Variants in BLZF1 observed in about 807,000 individuals in gnomAD.
BLZF1 encodes golgin-45.
A neutral mutation model predicts 43.8 loss-of-function variants in BLZF1; 39 were observed. The ratio of observed to expected loss-of-function variants is 0.89; its 90% CI spans 0.69 to 1.16. The LOEUF (loss-of-function observed/expected upper bound fraction) is 1.16, where lower values mean the gene tolerates loss of function less well. BLZF1 is among the 50% of genes most tolerant of loss of function. The pLI, the probability that BLZF1 is intolerant of heterozygous loss-of-function variation, is 0.00. For missense variants in BLZF1, 449 were observed against 469.8 expected (o/e 0.96, Z 0.41); for synonymous variants, 136 against 159.4 (o/e 0.85, Z 1.11).
chr1:169,376,567 G>A lies in BLZF1; in HGVS notation c.56G>A (p.Gly19Glu). ...KVTVTSSPIR[G>E]AGDGMETEEP... ...ACCGTTACTTCATCCCCAATCCGAG[G>A]AGCAGGAGATGGAATGGAAACTGAG... The change falls in exon 3 of 7, where the codon GGA becomes GAA. Residue 19 changes from glycine (G) to glutamate (E), a missense_variant. Gly to Glu is a moderately conservative substitution (Grantham distance 98). Transcript: ENST00000367808. The A allele has an allele frequency of 1.2e-6, 2 of 1,607,280 alleles. No individual in the cohort carries two copies. Among genetic ancestry groups the A allele is most frequent in the Non-Finnish European group, 1.7e-6 (2 of 1,177,708 alleles).
intron 1 of BLZF1, 43 bp from the exon 2 acceptor site, chr1:169,369,430 T>C (rs1654029143): frequency 1.9e-6 from 2 of 1,053,834 alleles, no homozygotes; most frequent in African/African-American, 1.6e-5. Flanking sequence ...TCTATGTGTT[T>C]ATATGATATT....
At chr1:169,394,152 A>G (rs1174557704) in intron 7 of BLZF1, among the ~76,000 whole-genome samples, 2 of 152,214 alleles carry the variant, frequency 1.3e-5, no homozygotes, top group African/African-American at 4.8e-5. Flanking sequence ...CAAAATATTC[A>G]TGTCTATATA....
downstream of BLZF1, among the ~76,000 whole-genome samples, chr1:169,389,561 A>G (rs1654767203): frequency 6.6e-6 from 1 of 152,190 alleles, no homozygotes. Context: ...GATCCTCAAA[A>G]TATTAAACAT....
intron 2 of BLZF1, among the ~76,000 whole-genome samples, chr1:169,374,261 C>T (rs1388980618): frequency 6.6e-6 from 1 of 151,602 alleles, no homozygotes; most frequent in Admixed American, 6.6e-5. Context: ...GTGGCACATG[C>T]CTGTAGTCCC....
downstream of BLZF1, among the ~76,000 whole-genome samples, chr1:169,389,103 C>T (rs58360404): frequency 0.015 from 2,296 of 150,634 alleles, 63 homozygotes; most frequent in African/African-American, 0.053. Context: ...GCCTGGGTGA[C>T]GGAGCGAAAC....
Position 169,387,139 on chromosome 1 carries a change from T to G in BLZF1, c.1160T>G (p.Phe387Cys). 5 of 1,613,388 alleles carry G rather than the reference T, an allele frequency of 3.1e-6. No individual in the cohort carries two copies. The highest frequency in any genetic ancestry group is 4.2e-6 in the Non-Finnish European group (5 of 1,179,844). Residue 387 changes from phenylalanine (F) to cysteine (C), a missense_variant, in exon 7 of 7, where the codon TTC becomes TGC. By Grantham distance (205) the Phe-to-Cys change is radical. Transcript: ENST00000367808. ...TATACTAGATATGAAAATATAACTT[T>G]CAATTGCTGCAATCACTGCCGGGGA... is the stretch of plus-strand genomic sequence containing the variant. Reference protein sequence around the residue: ...HPYTRYENITFNCCNHCRGEL... With the variant: ...HPYTRYENITCNCCNHCRGEL...
At chr1:169,378,022 G>C (rs1030352204) in intron 3 of BLZF1, among the ~76,000 whole-genome samples, 4 of 151,656 alleles carry the variant, frequency 2.6e-5, no homozygotes, top group Non-Finnish European at 5.9e-5. Context: ...TATTGGTTTT[G>C]TTTTAATTTT....
intron 2 of BLZF1, among the ~76,000 whole-genome samples, chr1:169,371,363 A>T (rs914024959): frequency 6.6e-6 from 1 of 152,206 alleles, no homozygotes; most frequent in Non-Finnish European, 1.5e-5. Context: ...ACTTTTTAAT[A>T]TTTATTATTA....
intron 4 of BLZF1, among the ~76,000 whole-genome samples, chr1:169,379,123 A>G (rs1314622793): frequency 6.6e-6 from 1 of 151,974 alleles, no homozygotes; most frequent in African/African-American, 2.4e-5. Context: ...GCCTCAACTG[A>G]TAGTTACTAG....
At chr1:169,372,343 G>C (rs181478740) in intron 2 of BLZF1, among the ~76,000 whole-genome samples, 50 of 151,896 alleles carry the variant, frequency 3.3e-4, no homozygotes, top group Non-Finnish European at 6.0e-4. Context: ...TTAGGGTAGA[G>C]GAAAAAAAAT....
At chr1:169,380,980 C>T (rs1243757781) in intron 5 of BLZF1, among the ~76,000 whole-genome samples, 1 of 152,028 alleles carries the variant, frequency 6.6e-6, no homozygotes, top group Non-Finnish European at 1.5e-5. Flanking sequence ...AGTATTAGAG[C>T]TTGTTTTCAT....
intron 2 of BLZF1, among the ~76,000 whole-genome samples, chr1:169,375,549 C>T (rs1654290965): frequency 6.7e-6 from 1 of 149,676 alleles, no homozygotes. Flanking sequence ...TACCTGCACA[C>T]TTATTATATA....
At position 169,387,447 on chromosome 1, in the gene BLZF1, T is replaced by C; in HGVS notation, c.*265T>C. The C allele has an allele frequency of 3.7e-6, 1 of 270,414 alleles. No homozygotes were observed. The highest frequency in any genetic ancestry group is 6.8e-6 in the Non-Finnish European group (1 of 147,728). The allele number at this position is 270,414 out of a possible 1,614,324, so 16.8% of individuals were successfully genotyped here. On this transcript the variant is annotated 3_prime_UTR_variant, in exon 7 of 7. Coordinates refer to ENST00000367808, the MANE Select transcript of BLZF1 (RefSeq NM_001320973.2). ...ACATGATACTTTTCCTAAAAGACTC[T>C]AAAAGAAAAAGATTCTGTAACTCTC...
downstream of BLZF1, among the ~76,000 whole-genome samples, chr1:169,390,043 GT>G (rs1382928483): frequency 6.6e-6 from 1 of 152,116 alleles, no homozygotes; most frequent in African/African-American, 2.4e-5. Context: ...GTACAACAAT[GT>G]CAGTCTACTT....
At chr1:169,395,252 A>T in intron 7 of BLZF1, 1 of 1,517,332 alleles carries the variant, frequency 6.6e-7, no homozygotes, top group Non-Finnish European at 8.9e-7. Context: ...CAACCTGAAT[A>T]CACTCTTCAT....
At position 169,395,234 on chromosome 1, in the gene BLZF1, G is replaced by A. The variant is rs375246077; in HGVS notation, c.*28-660G>A. 2.5e-6 allele frequency: 4 copies of A among 1,595,058 alleles called. No individual in the cohort carries two copies. The African/African-American group carries it at 4.1e-5, about 16-fold the overall frequency. ...GTAGAAACAGGCATGATCAGATTTG[G>A]TGAGTATCAACCTGAATACACTCTT... On this transcript the variant is annotated intron_variant, in intron 7 of 7. Transcript: ENST00000329281.
At chr1:169,376,221 A>G (rs950079147) in intron 2 of BLZF1, among the ~76,000 whole-genome samples, 2 of 152,090 alleles carry the variant, frequency 1.3e-5, no homozygotes, top group Non-Finnish European at 2.9e-5. Context: ...CCAAAATTCT[A>G]TAGCAAAGTT....
chr1:169,377,101 T>C, intron 3 of BLZF1, 122 bp downstream of exon 3: 3 of 816,226 alleles, frequency 3.7e-6, no homozygotes, highest in Non-Finnish European at 3.9e-6. Context: ...GTCAGTTCTC[T>C]AAAATGCTTC....
chr1:169,378,306 T>G (rs1654425340), intron 3 of BLZF1, 24 bp from the exon 4 acceptor site: 1 of 1,601,862 alleles, frequency 6.2e-7, no homozygotes, highest in South Asian at 1.1e-5. Flanking sequence ...TTGAGCTTGT[T>G]GTATTGATTA....
Sources: allele counts gnomAD v4.1 joint callset (sites outside exome capture counted in the v4.1 genomes callset), GRCh38; gene constraint gnomAD v4.1.1; transcripts MANE v1.5; gene names NCBI Gene and HGNC (gene_info 2026-07-23, HGNC 2026-07-21).